The following RIDA variants were observed in gnomAD, a reference collection of about 807,000 sequenced individuals.
The protein encoded by RIDA is reactive intermediate imine deaminase A, also known as 2-iminobutanoate/2-iminopropanoate deaminase.
A neutral mutation model predicts 17.8 loss-of-function variants in RIDA; 17 were observed. The ratio of observed to expected loss-of-function variants is 0.96; its 90% CI spans 0.65 to 1.43. RIDA has a LOEUF of 1.43. RIDA is among the 40% of genes most tolerant of loss of function. The pLI, the probability that RIDA is intolerant of heterozygous loss-of-function variation, is 0.00. For missense variants in RIDA, 158 were observed against 161.7 expected (o/e 0.98, Z 0.12); for synonymous variants, 48 against 55.7 (o/e 0.86, Z 0.62).
intron 1 of RIDA, 75 bp from the exon 2 acceptor site, chr8:98,108,826 A>T: frequency 3.6e-6 from 3 of 831,382 alleles, no homozygotes; most frequent in Non-Finnish European, 6.0e-6. Context: ...CTTTTTTGAT[A>T]GGACAGAGAA....
At chr8:98,110,416 C>T (rs556652840) in intron 1 of RIDA, among the ~76,000 whole-genome samples, 11 of 152,244 alleles carry the variant, frequency 7.2e-5, no homozygotes, top group Admixed American at 3.3e-4. Context: ...TGAGCCACCA[C>T]GCCCAGCTAA....
chr8:98,107,351 C>T (rs1047338895), intron 2 of RIDA, among the ~76,000 whole-genome samples: 3 of 152,040 alleles, frequency 2.0e-5, no homozygotes, highest in South Asian at 2.1e-4. Context: ...GGTAAAACCC[C>T]GTCTCTACTA....
intron 1 of RIDA, chr8:98,113,881 T>A (rs1815763490): frequency 6.6e-6 from 1 of 152,184 alleles, no homozygotes; most frequent in Non-Finnish European, 1.5e-5. Context: ...TCACAAATTT[T>A]TACTTATAAT....
chr8:98,110,400 C>T (rs2130553778), intron 1 of RIDA, among the ~76,000 whole-genome samples: 1 of 152,218 alleles, frequency 6.6e-6, no homozygotes, highest in East Asian at 1.9e-4. Context: ...GCTGGGATTA[C>T]AGGTGTGAGC....
chr8:98,103,620 G>A (rs1051369475), intron 5 of RIDA, among the ~76,000 whole-genome samples: 2 of 151,716 alleles, frequency 1.3e-5, no homozygotes. Context: ...CAGTACAGCT[G>A]CTATTTTATT....
intron 3 of RIDA, 59 bp downstream of exon 3, chr8:98,106,213 T>C (rs1815630873): frequency 6.5e-7 from 1 of 1,528,118 alleles, no homozygotes; most frequent in Admixed American, 1.7e-5. Context: ...TGCCATATAT[T>C]TTTCAAAAAG....
chr8:98,114,479 TA>T (rs1291194910), intron 1 of RIDA, among the ~76,000 whole-genome samples: 1 of 146,898 alleles, frequency 6.8e-6, no homozygotes, highest in Non-Finnish European at 1.5e-5. Context: ...CATACGCCAC[TA>T]TACCCAGCTA....
At chr8:98,109,866 C>T (rs992867618) in intron 1 of RIDA, among the ~76,000 whole-genome samples, 22 of 152,316 alleles carry the variant, frequency 1.4e-4, no homozygotes, top group African/African-American at 5.3e-4. Context: ...ATCCTCCTGC[C>T]TTGGCCTCCC....
At chr8:98,103,655 G>A (rs79665703) in intron 5 of RIDA, among the ~76,000 whole-genome samples, 1 of 131,986 alleles carries the variant, frequency 7.6e-6, no homozygotes, top group African/African-American at 3.0e-5. Context: ...TTTTTTTTTT[G>A]TGATGGAGTC....
At chr8:98,116,166 A>C (rs1472505406) in intron 1 of RIDA, among the ~76,000 whole-genome samples, 2 of 152,202 alleles carry the variant, frequency 1.3e-5, no homozygotes, top group African/African-American at 4.8e-5. Flanking sequence ...CCAACCTTCA[A>C]AACCAAAGGA....
chr8:98,109,130 G>A (rs1815680942), intron 1 of RIDA, among the ~76,000 whole-genome samples: 1 of 152,100 alleles, frequency 6.6e-6, no homozygotes, highest in Admixed American at 6.6e-5. Flanking sequence ...GGAGTTGAAG[G>A]CTGAAGTGAG....
At chr8:98,114,218 C>T (rs1475111460) in intron 1 of RIDA, among the ~76,000 whole-genome samples, 2 of 152,028 alleles carry the variant, frequency 1.3e-5, no homozygotes, top group Non-Finnish European at 2.9e-5. Flanking sequence ...ACAACCACAA[C>T]AACCACAAGA....
In RIDA at chr8:98,117,136, G is replaced by C. The variant is rs748482703; in HGVS notation, c.-40C>G. ...TCTTGCAGCCCCTTCAGGAGAAGAA[G>C]CCCCAGCACCAGCCCTGCTGGCTTC... On this transcript the variant is annotated 5_prime_UTR_variant, in exon 1 of 6. Transcript: ENST00000254878. 3.1e-6 allele frequency: 5 copies of C among 1,588,654 alleles called. No homozygotes were observed. The African/African-American group carries it at 6.7e-5, about 21-fold the overall frequency.
At chr8:98,106,807 T>C (rs1815638389) in intron 2 of RIDA, among the ~76,000 whole-genome samples, 1 of 152,248 alleles carries the variant, frequency 6.6e-6, no homozygotes, top group Non-Finnish European at 1.5e-5. Context: ...GGATTCACTC[T>C]TCCCACTTTG....
At chr8:98,114,867 T>G (rs1341697943) in intron 1 of RIDA, among the ~76,000 whole-genome samples, 2 of 150,856 alleles carry the variant, frequency 1.3e-5, no homozygotes, top group Non-Finnish European at 3.0e-5. Context: ...CAGTCTTACA[T>G]AGTAAGAAAA....
At chr8:98,108,132 C>T (rs1177657871) in intron 2 of RIDA, among the ~76,000 whole-genome samples, 2 of 151,966 alleles carry the variant, frequency 1.3e-5, no homozygotes, top group Non-Finnish European at 2.9e-5. Context: ...CTAGGCTAGT[C>T]TTGAACTCCT....
chr8:98,106,394 A>C (rs2242197), intron 2 of RIDA, 68 bp from the exon 3 acceptor site: 383,441 of 1,332,570 alleles, frequency 0.29, 58,981 homozygotes, highest in Non-Finnish European at 0.31. Context: ...AAATTCAATT[A>C]ATCATCTTTT....
At chr8:98,107,544 A>G (rs1169614305) in intron 2 of RIDA, among the ~76,000 whole-genome samples, 1 of 152,138 alleles carries the variant, frequency 6.6e-6, no homozygotes, top group Non-Finnish European at 1.5e-5. Context: ...AAAACAAAAC[A>G]AACTTTCAGC....
chr8:98,116,083 A>G (rs1275168687), intron 1 of RIDA, among the ~76,000 whole-genome samples: 1 of 152,174 alleles, frequency 6.6e-6, no homozygotes, highest in East Asian at 1.9e-4. Context: ...CCTTCACTCA[A>G]TGACTTCCTG....
Sources: gnomAD v4.1 joint callset for allele counts (sites outside exome capture counted in the v4.1 genomes callset) on GRCh38, gnomAD v4.1.1 for gene constraint, MANE v1.5 for transcripts, NCBI Gene and HGNC (gene_info 2026-07-23, HGNC 2026-07-21) for gene names.